TMEM221: variants seen among roughly 807,000 people sequenced by gnomAD.
TMEM221 encodes the protein transmembrane protein 221, also known as Putative transmembrane protein ENSP00000342162.
A neutral mutation model predicts 10.2 loss-of-function variants in TMEM221; 11 were observed. The observed-to-expected ratio is 1.08, with a 90% confidence interval of 0.68 to 1.79. TMEM221 has a LOEUF of 1.79. Among genes scored for constraint, TMEM221 ranks in the 40% most tolerant of loss-of-function variants. The pLI is 0.00. For missense variants in TMEM221, 382 were observed against 417.7 expected (o/e 0.91, Z 0.75); for synonymous variants, 172 against 199.8 (o/e 0.86, Z 1.18).
At chr19:17,442,121 T>C (rs1357967652) in intron 2 of TMEM221, among the ~76,000 whole-genome samples, 1 of 152,158 alleles carries the variant, frequency 6.6e-6, no homozygotes, top group African/African-American at 2.4e-5. Context: ...GTGCAAAGAC[T>C]CAAGGCTCCA....
intron 2 of TMEM221, among the ~76,000 whole-genome samples, chr19:17,443,127 A>C (rs571284090): frequency 6.6e-6 from 1 of 151,690 alleles, no homozygotes; most frequent in Non-Finnish European, 1.5e-5. Context: ...TAAAAATACA[A>C]AAAATTAGCT....
At chr19:17,447,073 T>A (rs2074955664) in intron 1 of TMEM221, among the ~76,000 whole-genome samples, 1 of 151,686 alleles carries the variant, frequency 6.6e-6, no homozygotes, top group African/African-American at 2.4e-5. Flanking sequence ...AATACAAAAA[T>A]TAGCTGGGTA....
At chr19:17,441,443 G>A (rs1178200240) in intron 2 of TMEM221, among the ~76,000 whole-genome samples, 1 of 152,046 alleles carries the variant, frequency 6.6e-6, no homozygotes, top group Non-Finnish European at 1.5e-5. Context: ...TCTCAGTGGA[G>A]AATCCCTGGT....
chr19:17,447,571 G>C (rs2074957671), intron 1 of TMEM221, among the ~76,000 whole-genome samples: 1 of 152,184 alleles, frequency 6.6e-6, no homozygotes, highest in Non-Finnish European at 1.5e-5. Flanking sequence ...TAGAATTTGG[G>C]CTCCTCTCCC....
chr19:17,444,763 TA>T (rs1230689588), intron 2 of TMEM221: 3 of 140,986 alleles, frequency 2.1e-5, no homozygotes, highest in South Asian at 4.3e-4. Flanking sequence ...CATATAAATA[TA>T]AATATATATT....
At chr19:17,438,600 T>TC (rs2074919204) in intron 2 of TMEM221, among the ~76,000 whole-genome samples, 1 of 150,612 alleles carries the variant, frequency 6.6e-6, no homozygotes, top group Non-Finnish European at 1.5e-5. Flanking sequence ...TCTATCTTTT[T>TC]TTTTTTTTTT....
rs1187589945 is a variant in TMEM221, at chr19:17,448,324, C to T, written c.139G>A (p.Glu47Lys). 4.7e-6 allele frequency: 6 copies of T among 1,278,656 alleles called. No homozygotes were observed. Among genetic ancestry groups the T allele is most frequent in the Non-Finnish European group, 5.9e-6 (6 of 1,013,884 alleles). 79.2% of individuals were successfully genotyped at this position (1,278,656 alleles called of 1,614,324 possible). The stretch of plus-strand genomic sequence containing the variant: ...GCGCCCAGCTCCTGGCCCAGCCCCT[C>T]GGCGCGCAGCCCCCGCAGCTCGGCG... ...GRAELRGLRAEGLGQELGAGP... is the reference protein window; with the variant it reads ...GRAELRGLRAKGLGQELGAGP... The change falls in exon 1 of 3, where the codon GAG (glutamate) becomes AAG (lysine). Residue 47 changes from glutamate (E) to lysine (K), a missense_variant. Physicochemically the swap from Glu to Lys is moderately conservative, Grantham distance 56. Transcript: ENST00000341130. This position sits in a 1 kb window ranked among gnomAD's most constrained non-coding sequence, Gnocchi z 4.7.
In TMEM221 at chr19:17,436,821, A is replaced by G; in HGVS notation, c.513T>C (p.Thr171=). 6.7e-7 allele frequency: 1 copy of G among 1,496,870 alleles called. No homozygotes were observed. Among genetic ancestry groups the G allele is most frequent in the South Asian group, 1.3e-5 (1 of 78,174 alleles). 92.7% of individuals were successfully genotyped at this position (1,496,870 alleles called of 1,614,324 possible). Residue 171 remains threonine (T), a synonymous_variant, in exon 3 of 3, where the codon ACT becomes ACC. Coordinates refer to ENST00000341130, the MANE Select transcript of TMEM221 (RefSeq NM_001190844.2). The part of the protein sequence containing the change: ...TLVLVAVLTH[T]LLRAARAARR... Reference sequence around the variant, plus strand: ...GGGCAGCCCGGGCAGCCCGGAGGAGAGTGTGGGTCAGCACAGCCACCAGAA... The same window carrying G: ...GGGCAGCCCGGGCAGCCCGGAGGAGGGTGTGGGTCAGCACAGCCACCAGAA...
At chr19:17,443,159 T>C (rs1568398339) in intron 2 of TMEM221, among the ~76,000 whole-genome samples, 2 of 151,898 alleles carry the variant, frequency 1.3e-5, no homozygotes, top group African/African-American at 2.4e-5. Context: ...TGGGCACCTG[T>C]AGTCCCAGCT....
intron 2 of TMEM221, among the ~76,000 whole-genome samples, chr19:17,442,515 G>A (rs1354800470): frequency 6.7e-6 from 1 of 149,596 alleles, no homozygotes; most frequent in Non-Finnish European, 1.5e-5. Flanking sequence ...TCTTGGCTCA[G>A]TGCAACCTCT....
rs2074963219 is a variant in TMEM221 at position 17,448,648 on chromosome 19, G to A, written c.-186C>T. ...GGACGGGGGCTCCGGGGTGCTGGTC[G>A]CAGCCGGGACGCCGAATCTCCGCGA... On this transcript the variant is annotated 5_prime_UTR_variant, in exon 1 of 3. Coordinates refer to ENST00000341130, the MANE Select transcript of TMEM221 (RefSeq NM_001190844.2). The surrounding 1 kb of genome is among the most constrained non-coding windows in gnomAD (Gnocchi z 4.7). 1 of 388,706 alleles carries A rather than the reference G, an allele frequency of 2.6e-6. No individual in the cohort carries two copies. The highest frequency in any genetic ancestry group is 4.5e-6 in the Non-Finnish European group (1 of 221,360). 24.1% of individuals were successfully genotyped at this position (388,706 alleles called of 1,614,324 possible).
rs1196068024 is a variant in TMEM221, at chr19:17,448,614, T to C, written c.-152A>G. The C allele has an allele frequency of 6.7e-6, 3 of 450,866 alleles. No individual in the cohort carries two copies. The highest frequency in any genetic ancestry group is 1.1e-5 in the Non-Finnish European group (3 of 279,352). 27.9% of individuals were successfully genotyped at this position (450,866 alleles called of 1,614,324 possible). On this transcript the variant is annotated 5_prime_UTR_variant, in exon 1 of 3. Coordinates refer to ENST00000341130, the MANE Select transcript of TMEM221 (RefSeq NM_001190844.2). This position sits in a 1 kb window ranked among gnomAD's most constrained non-coding sequence, Gnocchi z 4.7. The stretch of plus-strand genomic sequence containing the variant: ...GAAAGTTCGGGGACTGGGCTGGGGG[T>C]CGCCAGACGGACGGGGGCTCCGGGG...
intron 2 of TMEM221, among the ~76,000 whole-genome samples, chr19:17,441,531 C>G (rs529504919): frequency 2.6e-5 from 4 of 152,130 alleles, no homozygotes; most frequent in Non-Finnish European, 5.9e-5. Flanking sequence ...CTCATTGGAC[C>G]AAGCTCAGCC....
intron 2 of TMEM221, 95 bp downstream of exon 2, chr19:17,445,104 G>A: frequency 1.7e-6 from 2 of 1,149,572 alleles, no homozygotes; most frequent in South Asian, 2.7e-5. Context: ...TTGAACTCAA[G>A]GAGGCTGTCT....
intron 1 of TMEM221, among the ~76,000 whole-genome samples, chr19:17,445,838 C>T (rs1270522805): frequency 6.6e-6 from 1 of 151,786 alleles, no homozygotes; most frequent in African/African-American, 2.4e-5. Context: ...ATTCATCCAT[C>T]CACTTATCAA....
chr19:17,443,941 G>C (rs2074941799), intron 2 of TMEM221, among the ~76,000 whole-genome samples: 1 of 150,286 alleles, frequency 6.7e-6, no homozygotes, highest in South Asian at 2.1e-4. Flanking sequence ...AAATCAGGAA[G>C]GAAGGACAGT....
chr19:17,445,940 C>A (rs577337023), intron 1 of TMEM221, among the ~76,000 whole-genome samples: 1 of 152,108 alleles, frequency 6.6e-6, no homozygotes, highest in African/African-American at 2.4e-5. Context: ...TATCTGATAT[C>A]TATCCATTTA....
intron 2 of TMEM221, among the ~76,000 whole-genome samples, chr19:17,443,979 C>CT (rs143259849): frequency 0.029 from 3,893 of 136,540 alleles, 63 homozygotes; most frequent in Non-Finnish European, 0.044. Flanking sequence ...CTGGGGTATC[C>CT]TTTTTTTTTT....
chr19:17,447,008 G>A (rs541003552), intron 1 of TMEM221, among the ~76,000 whole-genome samples: 1 of 152,032 alleles, frequency 6.6e-6, no homozygotes, highest in Non-Finnish European at 1.5e-5. Context: ...GGTCATTTGA[G>A]GTCAGGAGTT....
Sources: allele counts gnomAD v4.1 joint callset (sites outside exome capture counted in the v4.1 genomes callset), GRCh38; gene constraint gnomAD v4.1.1; non-coding constraint Gnocchi (gnomAD v3.1); transcripts MANE v1.5; gene names NCBI Gene and HGNC (gene_info 2026-07-23, HGNC 2026-07-21).